ANAPC1: variants seen among roughly 807,000 people sequenced by gnomAD.
ANAPC1 encodes the protein anaphase promoting complex subunit 1, also known as anaphase-promoting complex subunit 1.
ANAPC1 carries 36 observed loss-of-function variants against 208.0 expected under a neutral mutation model. That is an observed-to-expected ratio of 0.17 (90% CI 0.13 to 0.23). The LOEUF (loss-of-function observed/expected upper bound fraction) is 0.23, where lower values mean the gene tolerates loss of function less well. Ranked by LOEUF, ANAPC1 falls within the 10% of genes least tolerant of loss-of-function variation. ANAPC1 has a pLI of 1.00. For synonymous variants in ANAPC1, 378 were observed against 695.2 expected, an observed-to-expected ratio of 0.54 and a Z score of 7.18; for missense variants, 942 against 2,011.6, an observed-to-expected ratio of 0.47 and a Z score of 10.17.
chr2:111,862,292 C>G, intron 10 of ANAPC1, 97 bp downstream of exon 10: 1 of 1,111,664 alleles, frequency 9.0e-7, no homozygotes, highest in Non-Finnish European at 1.2e-6. Flanking sequence ...ATATTAATAA[C>G]TGATCACATT....
intron 13 of ANAPC1, among the ~76,000 whole-genome samples, chr2:111,854,495 C>A (rs1217262264): frequency 6.6e-6 from 1 of 152,220 alleles, no homozygotes; most frequent in African/African-American, 2.4e-5. Flanking sequence ...CAGGCACTGA[C>A]TTCTCCTCTC....
chr2:111,826,490 A>T (rs939558825), intron 21 of ANAPC1, among the ~76,000 whole-genome samples: 1 of 152,148 alleles, frequency 6.6e-6, no homozygotes. Flanking sequence ...TTAACTTAGC[A>T]TAAGTCTTTG....
At chr2:111,797,793 G>A (rs1678236244) in intron 34 of ANAPC1, among the ~76,000 whole-genome samples, 1 of 116,770 alleles carries the variant, frequency 8.6e-6, no homozygotes, top group Non-Finnish European at 1.8e-5. Context: ...AATGGGCATG[G>A]CCATATTCCA....
At chr2:111,828,814 T>C (rs1466312856) in intron 21 of ANAPC1, among the ~76,000 whole-genome samples, 1 of 152,306 alleles carries the variant, frequency 6.6e-6, no homozygotes, top group Non-Finnish European at 1.5e-5. Flanking sequence ...CACTATCTAA[T>C]AGGTACAGAG....
chr2:111,794,331 C>G lies in ANAPC1; in HGVS notation c.4374-8G>C. 1 of 1,577,222 alleles carries G rather than the reference C, an allele frequency of 6.3e-7. No homozygotes were observed. Among genetic ancestry groups the G allele is most frequent in the South Asian group, 1.2e-5 (1 of 84,182 alleles). ...ATGTAGACATGTGCTTGGCTGAAAACAGGTGACAAGAAATTTAATAATCAT... is the reference window on the plus strand; with the variant it reads ...ATGTAGACATGTGCTTGGCTGAAAAGAGGTGACAAGAAATTTAATAATCAT... On this transcript the variant is annotated splice_polypyrimidine_tract_variant and splice_region_variant and intron_variant, in intron 35 of 47. Transcript: ENST00000341068.
intron 1 of ANAPC1, among the ~76,000 whole-genome samples, chr2:111,881,310 TTACTC>T (rs988366324): frequency 6.6e-6 from 1 of 152,152 alleles, no homozygotes; most frequent in Non-Finnish European, 1.5e-5. Context: ...AAACCACACA[TTACTC>T]TAATTCATCA....
At chr2:111,852,495 A>G (rs1441523157) in intron 13 of ANAPC1, among the ~76,000 whole-genome samples, 1 of 152,232 alleles carries the variant, frequency 6.6e-6, no homozygotes, top group Non-Finnish European at 1.5e-5. Context: ...AGTCATGGCC[A>G]TCCCTTCCTC....
intron 19 of ANAPC1, among the ~76,000 whole-genome samples, 188 bp downstream of exon 19, chr2:111,834,416 T>A (rs1260291744): frequency 2.7e-5 from 4 of 149,780 alleles, no homozygotes; most frequent in African/African-American, 1.0e-4. Flanking sequence ...AATCCCTGCA[T>A]GGCTCACAGG....
chr2:111,800,360 A>AT (rs1245307314), intron 34 of ANAPC1, among the ~76,000 whole-genome samples: 5 of 135,126 alleles, frequency 3.7e-5, no homozygotes, highest in Non-Finnish European at 6.4e-5. Context: ...AAATCTGTTC[A>AT]TTTTTAACTA....
At chr2:111,851,684 G>A (rs915171761) in intron 13 of ANAPC1, among the ~76,000 whole-genome samples, 52 of 151,764 alleles carry the variant, frequency 3.4e-4, no homozygotes, top group African/African-American at 9.4e-4. Flanking sequence ...GGTGGCGGGC[G>A]CCTGTAGTCC....
In ANAPC1 at chr2:111,844,569, CAA is replaced by C. The variant is rs11327163; in HGVS notation, c.1853-972_1853-971del. ...GGATGACTAGAGCGAAACTCTGTCT[CAA>C]AAAAAAAAAAAAAAGTCACTATGAA... On this transcript the variant is annotated intron_variant, in intron 16 of 47. Transcript: ENST00000341068. Among the ~76,000 whole-genome samples the C allele has an allele frequency of 2.7e-3, 340 of 127,624 alleles. 1 individual carries two copies. The Middle Eastern group carries it at 0.035, about 13-fold the overall frequency. The allele number at this position is 127,624 out of a possible 152,430, so 83.7% of individuals were successfully genotyped here. A position where few individuals can be genotyped will look rare whatever the true frequency, so the allele number is the denominator to read the frequency against.
chr2:111,877,007 G>A (rs1405325299), intron 3 of ANAPC1, among the ~76,000 whole-genome samples: 2 of 151,986 alleles, frequency 1.3e-5, no homozygotes, highest in Non-Finnish European at 2.9e-5. Flanking sequence ...ATTTGTTTGT[G>A]TGTGTGCATT....
In ANAPC1 at chr2:111,772,392, C is replaced by G. The variant is rs746095622; in HGVS notation, c.5668G>C (p.Val1890Leu). Residue 1890 changes from valine (V) to leucine (L), a missense_variant, in exon 47 of 48, where the codon GTC becomes CTC. Coordinates refer to ENST00000341068, the MANE Select transcript of ANAPC1 (RefSeq NM_022662.4). ...SQLSMLACFL[V>L]YHSVPAPQHL... ...TGTGGAGCTGGCACAGAGTGGTAGACGAGGAAGCAGGCCAGCATGCTCAGC... is the reference window on the plus strand; with the variant it reads ...TGTGGAGCTGGCACAGAGTGGTAGAGGAGGAAGCAGGCCAGCATGCTCAGC... The G allele has an allele frequency of 3.1e-6, 5 of 1,607,718 alleles. No individual in the cohort carries two copies. In the South Asian group the frequency reaches 4.4e-5, roughly 14 times the overall value.
intron 17 of ANAPC1, among the ~76,000 whole-genome samples, chr2:111,843,201 C>T (rs1167521433): frequency 6.6e-6 from 1 of 152,124 alleles, no homozygotes; most frequent in Non-Finnish European, 1.5e-5. Context: ...CTTTAACATT[C>T]TAAAGCTCAG....
chr2:111,867,276 G>T (rs1282762284), intron 7 of ANAPC1, among the ~76,000 whole-genome samples: 1 of 151,260 alleles, frequency 6.6e-6, no homozygotes, highest in Non-Finnish European at 1.5e-5. Context: ...GGCAACAAGA[G>T]CAAAACTCTG....
intron 33 of ANAPC1, among the ~76,000 whole-genome samples, chr2:111,801,989 T>A (rs1238355623): frequency 6.6e-6 from 1 of 150,966 alleles, no homozygotes; most frequent in Non-Finnish European, 1.5e-5. Context: ...TATTATCACA[T>A]CCCTGATAGT....
rs1221123925 is a variant in ANAPC1, at chr2:111,873,358, T to C, written c.478A>G (p.Asn160Asp). The change falls in exon 5 of 48, where the codon AAC becomes GAC. Residue 160 changes from asparagine to aspartate, a missense_variant. Physicochemically the swap from Asn to Asp is conservative, Grantham distance 23 (BLOSUM62 1). Coordinates refer to ENST00000341068, the MANE Select transcript of ANAPC1 (RefSeq NM_022662.4). Reference sequence around the variant, plus strand: ...TCCTTTCCTTCTATGCTATGCATGTTAATACATGAGCTTTGCAATATACAT... The same window carrying C: ...TCCTTTCCTTCTATGCTATGCATGTCAATACATGAGCTTTGCAATATACAT... ...CICILQSSCINMHSIEGKDYI... is the reference protein window; with the variant it reads ...CICILQSSCIDMHSIEGKDYI... 2.5e-6 allele frequency: 4 copies of C among 1,609,642 alleles called. No homozygotes were observed. Among genetic ancestry groups the C allele is most frequent in the Non-Finnish European group, 3.4e-6 (4 of 1,178,336 alleles).
intron 3 of ANAPC1, 109 bp downstream of exon 3, chr2:111,878,701 C>G: frequency 7.1e-7 from 1 of 1,415,366 alleles, no homozygotes; most frequent in Non-Finnish European, 9.6e-7. Context: ...GTACACCCAG[C>G]TGCTGAGATC....
intron 8 of ANAPC1, among the ~76,000 whole-genome samples, chr2:111,864,434 T>A (rs937354864): frequency 7.2e-6 from 1 of 138,836 alleles, no homozygotes; most frequent in Admixed American, 7.6e-5. Context: ...GGGTATGAAG[T>A]ATTAACTACT....
Sources: gnomAD v4.1 joint callset for allele counts (sites outside exome capture counted in the v4.1 genomes callset) on GRCh38, gnomAD v4.1.1 for gene constraint, MANE v1.5 for transcripts, NCBI Gene and HGNC (gene_info 2026-07-23, HGNC 2026-07-21) for gene names.